WNT5B: variants seen among roughly 807,000 people sequenced by gnomAD.
WNT5B encodes the protein Wnt family member 5B, also known as protein Wnt-5b.
A neutral mutation model predicts 36.5 loss-of-function variants in WNT5B; 18 were observed. The observed-to-expected ratio is 0.49, with a 90% CI of 0.34 to 0.73. The LOEUF is 0.73. WNT5B is among the 30% of genes least tolerant of loss of function. The probability of loss-of-function intolerance (pLI) is 0.01; values close to 1 mark genes in which losing one functional copy is unlikely to be tolerated. For missense variants in WNT5B, 424 were observed against 508.4 expected (o/e 0.83, Z 1.60); for synonymous variants, 213 against 212.3 (o/e 1.00, Z -0.03).
At chr12:1,621,191 A>T (rs1288986039) in intron 1 of WNT5B, among the ~76,000 whole-genome samples, 1 of 151,910 alleles carries the variant, frequency 6.6e-6, no homozygotes, top group Non-Finnish European at 1.5e-5. Context: ...TAGAGATACA[A>T]TCAAGAGACC....
intron 1 of WNT5B, among the ~76,000 whole-genome samples, chr12:1,622,010 G>T (rs1592514715): frequency 6.6e-6 from 1 of 151,672 alleles, no homozygotes; most frequent in Non-Finnish European, 1.5e-5. Flanking sequence ...AATCCTTTCT[G>T]CTGTTTTCCT....
chr12:1,624,256 G>C (rs1343232455), upstream of WNT5B, among the ~76,000 whole-genome samples: 1 of 151,884 alleles, frequency 6.6e-6, no homozygotes, highest in Non-Finnish European at 1.5e-5. Flanking sequence ...CGTGGTGGCA[G>C]GCACCTGTAA....
In WNT5B at chr12:1,633,583, G is replaced by C. The variant is rs995505622; in HGVS notation, c.328+678G>C. Among the ~76,000 whole-genome samples the C allele has an allele frequency of 6.6e-6, 1 of 152,102 alleles. No homozygotes were observed. On this transcript the variant is annotated intron_variant, in intron 3 of 4. Coordinates refer to ENST00000397196, the MANE Select transcript of WNT5B (RefSeq NM_032642.3). This position sits in a 1 kb window ranked among gnomAD's most constrained non-coding sequence, Gnocchi z 4.8. Reference sequence around the variant, plus strand: ...TTGCTTAGATGGAGGTGTGATCTGAGGTCTAATTGTTTTAGGTCCTTTTGA... The same window carrying C: ...TTGCTTAGATGGAGGTGTGATCTGACGTCTAATTGTTTTAGGTCCTTTTGA...
rs757332468 is a variant in WNT5B, at chr12:1,645,896, G to A, written c.724G>A (p.Gly242Arg). 3.1e-6 allele frequency: 5 copies of A among 1,611,384 alleles called. No homozygotes were observed. Among genetic ancestry groups the A allele is most frequent in the East Asian group, 2.2e-5 (1 of 44,882 alleles). The change falls in exon 5 of 5, where the codon GGG becomes AGG. Residue 242 changes from glycine (G) to arginine (R), a missense_variant. Transcript: ENST00000397196. ...WLQLAEFRKV[G>R]DRLKEKYDSA... ...GCAGCTGGCCGAGTTCCGCAAGGTCGGGGACCGGCTGAAGGAGAAGTACGA... is the reference window on the plus strand; with the variant it reads ...GCAGCTGGCCGAGTTCCGCAAGGTCAGGGACCGGCTGAAGGAGAAGTACGA...
intron 3 of WNT5B, among the ~76,000 whole-genome samples, chr12:1,636,359 G>A (rs2094560673): frequency 6.6e-6 from 1 of 150,958 alleles, no homozygotes; most frequent in African/African-American, 2.4e-5. Flanking sequence ...CCAACCCTAG[G>A]CGACCACTAT....
Position 1,630,190 on chromosome 12 carries a change from C to G in WNT5B, c.-58+819C>G, listed in dbSNP as rs553509107. ...TGGGGACGCCGACGCGCGAGAGTGG[C>G]GCAGTGAGCCGGGGCGCGCGGGGCT... On this transcript the variant is annotated intron_variant, in intron 1 of 4. Transcript: ENST00000397196. This position sits in a 1 kb window ranked among gnomAD's most constrained non-coding sequence, Gnocchi z 5.3. The G allele has an allele frequency of 3.8e-5, 37 of 985,302 alleles. No homozygotes were observed. In the Middle Eastern group the frequency reaches 1.6e-3, roughly 42 times the overall value. 61.0% of individuals were successfully genotyped at this position (985,302 alleles called of 1,614,324 possible).
intron 3 of WNT5B, among the ~76,000 whole-genome samples, chr12:1,639,131 T>C (rs1461471933): frequency 6.6e-6 from 1 of 151,948 alleles, no homozygotes; most frequent in African/African-American, 2.4e-5. Flanking sequence ...GGACTTGTTT[T>C]TTTGTGTTTT....
In WNT5B at chr12:1,618,794, T is replaced by A. The variant is rs545439375; in HGVS notation, c.-58+1651T>A. On this transcript the variant is annotated intron_variant, in intron 1 of 4. Transcript: ENST00000310594. The surrounding 1 kb of genome is among the most constrained non-coding windows in gnomAD (Gnocchi z 4.1). Reference sequence around the variant, plus strand: ...GTACAGGGACCCAGAGTCTTAGGGATCTGCTCTGCCTACTTTGTGGAATTT... The same window carrying A: ...GTACAGGGACCCAGAGTCTTAGGGAACTGCTCTGCCTACTTTGTGGAATTT... Among the ~76,000 whole-genome samples, 43 of 152,276 alleles carry A rather than the reference T, an allele frequency of 2.8e-4. No homozygotes were observed. The highest frequency in any genetic ancestry group is 9.9e-4 in the African/African-American group (41 of 41,558).
intron 4 of WNT5B, among the ~76,000 whole-genome samples, chr12:1,643,425 C>T (rs986983162): frequency 2.6e-5 from 4 of 151,920 alleles, no homozygotes; most frequent in East Asian, 3.8e-4. Flanking sequence ...AGTGCAATGG[C>T]GCGATCTCGG....
At chr12:1,631,481 T>G (rs1011888463) in intron 2 of WNT5B, 47 bp downstream of exon 2, 3 of 1,612,916 alleles carry the variant, frequency 1.9e-6, no homozygotes, top group Non-Finnish European at 2.5e-6. Flanking sequence ...GGAGGCCTCC[T>G]TCAGCGACTG....
chr12:1,634,735 C>T (rs1366988344), intron 3 of WNT5B, among the ~76,000 whole-genome samples: 3 of 152,134 alleles, frequency 2.0e-5, no homozygotes, highest in Non-Finnish European at 2.9e-5. Flanking sequence ...TGAGAAGGAC[C>T]GTCTAAGGCT....
chr12:1,634,087 TG>T (rs1408242930), intron 3 of WNT5B, among the ~76,000 whole-genome samples: 2 of 152,132 alleles, frequency 1.3e-5, no homozygotes, highest in Admixed American at 1.3e-4. Context: ...GAATTAAAGA[TG>T]GGAAAAGTAC....
At chr12:1,631,051 T>G (rs2094549778) in intron 1 of WNT5B, 1 of 256,962 alleles carries the variant, frequency 3.9e-6, no homozygotes, top group Middle Eastern at 1.2e-3. Context: ...CTCTTTGTGG[T>G]TTCTCAGCTC....
At chr12:1,623,185 T>G (rs12826367) in intron 1 of WNT5B, among the ~76,000 whole-genome samples, 7 of 121,552 alleles carry the variant, frequency 5.8e-5, no homozygotes, top group African/African-American at 2.4e-4. Context: ...GGGTTTTTTG[T>G]TGTTTTTTTT....
intron 4 of WNT5B, among the ~76,000 whole-genome samples, chr12:1,641,759 G>A (rs546804616): frequency 6.6e-6 from 1 of 152,236 alleles, no homozygotes; most frequent in Admixed American, 6.5e-5. Flanking sequence ...TCCTGCCATT[G>A]CACTCCAGCC....
chr12:1,623,618 G>A (rs1389731253), intron 1 of WNT5B, among the ~76,000 whole-genome samples: 2 of 152,148 alleles, frequency 1.3e-5, no homozygotes, highest in African/African-American at 4.8e-5. Flanking sequence ...AGCCTTTCTT[G>A]CTGAGGACAT....
rs746706862 is a variant in WNT5B at position 1,639,987 on chromosome 12, C to T, written c.621+11C>T. The T allele has an allele frequency of 3.7e-6, 6 of 1,601,502 alleles. No individual in the cohort carries two copies. In the African/African-American group the frequency reaches 8.0e-5, roughly 21 times the overall value. ...GAGGCCGGTCGCAGGGTAAGCTGGG[C>T]CTCCCCGGCCTCCCCAGCACTGCAG... On this transcript the variant is annotated intron_variant, in intron 4 of 4. Coordinates refer to ENST00000397196, the MANE Select transcript of WNT5B (RefSeq NM_032642.3).
rs189422939 is a variant in WNT5B, at chr12:1,621,057, G to C, written c.-58+3914G>C. 3.9e-3 allele frequency among the ~76,000 whole-genome samples: 580 copies of C among 149,790 alleles called. 4 individuals are homozygous for C. Among genetic ancestry groups the C allele is most frequent in the Admixed American group, 5.0e-3 (75 of 14,858 alleles). On this transcript the variant is annotated intron_variant, in intron 1 of 4. Coordinates refer to the WNT5B transcript ENST00000310594. Reference sequence around the variant, plus strand: ...GGGAAATTCATTTATCCTTTCAAGAGATAAGAATGGGACATAAGATATTGC... The same window carrying C: ...GGGAAATTCATTTATCCTTTCAAGACATAAGAATGGGACATAAGATATTGC...
At chr12:1,626,596 A>G (rs1592519576), upstream of WNT5B, among the ~76,000 whole-genome samples, 1 of 109,180 alleles carries the variant, frequency 9.2e-6, no homozygotes, top group South Asian at 2.8e-4. Flanking sequence ...ACGGAGTCTC[A>G]CTCTATCGCC....
Sources: allele counts gnomAD v4.1 joint callset (sites outside exome capture counted in the v4.1 genomes callset), GRCh38; gene constraint gnomAD v4.1.1; non-coding constraint Gnocchi (gnomAD v3.1); transcripts MANE v1.5; gene names NCBI Gene and HGNC (gene_info 2026-07-23, HGNC 2026-07-21).